The following GRIK2 variants were observed in gnomAD, a reference collection of about 807,000 sequenced individuals.
The protein encoded by GRIK2 is glutamate ionotropic receptor kainate type subunit 2.
A neutral mutation model predicts 100.3 loss-of-function variants in GRIK2; 32 were observed. That is an observed-to-expected ratio of 0.32 (90% CI 0.24 to 0.43). The LOEUF (loss-of-function observed/expected upper bound fraction) is 0.43. Among genes scored for constraint, GRIK2 ranks in the 20% least tolerant of loss-of-function variants. GRIK2 has a pLI of 1.00. For synonymous variants in GRIK2, 417 were observed against 389.4 expected, an observed-to-expected ratio of 1.07 and a Z score of -0.83; for missense variants, 843 against 1,114.9, an observed-to-expected ratio of 0.76 and a Z score of 3.47.
intron 7 of GRIK2, among the ~76,000 whole-genome samples, chr6:101,747,409 G>T (rs190704789): frequency 6.6e-6 from 1 of 152,140 alleles, no homozygotes; most frequent in East Asian, 1.9e-4. Context: ...GAAAGGCAAT[G>T]GCTTTTCTGT....
chr6:101,464,018 A>G (rs188585180), intron 2 of GRIK2, among the ~76,000 whole-genome samples: 19 of 152,262 alleles, frequency 1.2e-4, no homozygotes, highest in African/African-American at 4.6e-4. Flanking sequence ...TAAATCTCCA[A>G]AAGAAAAAAT....
chr6:101,579,028 T>C (rs1483911870), intron 2 of GRIK2, among the ~76,000 whole-genome samples: 2 of 152,114 alleles, frequency 1.3e-5, no homozygotes, highest in Non-Finnish European at 2.9e-5. Flanking sequence ...GTTAGCAAAA[T>C]ATTGTTAAAT....
Position 102,007,617 on chromosome 6 carries a change from T to C in GRIK2, c.2086-27724T>C, listed in dbSNP as rs888426900. On this transcript the variant is annotated intron_variant, in intron 14 of 16. Transcript: ENST00000369134. ...TTTGTATTAAGCTTGAAGAATTGAATTGCATTGAAACAATGCAATTGTTGA... is the reference window on the plus strand; with the variant it reads ...TTTGTATTAAGCTTGAAGAATTGAACTGCATTGAAACAATGCAATTGTTGA... Among the ~76,000 whole-genome samples, 4 of 152,098 alleles carry C rather than the reference T, an allele frequency of 2.6e-5. No individual in the cohort carries two copies. The East Asian group carries it at 5.8e-4, about 22-fold the overall frequency.
At chr6:101,838,372 A>G (rs1783273892) in intron 10 of GRIK2, among the ~76,000 whole-genome samples, 1 of 152,172 alleles carries the variant, frequency 6.6e-6, no homozygotes, top group Non-Finnish European at 1.5e-5. Flanking sequence ...TGAAAAAAGA[A>G]ATCAACCCAC....
intron 11 of GRIK2, among the ~76,000 whole-genome samples, chr6:101,876,915 C>T (rs1231673904): frequency 6.6e-6 from 1 of 151,830 alleles, no homozygotes; most frequent in East Asian, 1.9e-4. Context: ...GACTCATTCC[C>T]CTACATCTCT....
At chr6:101,622,606 G>A (rs1286478883) in intron 3 of GRIK2, among the ~76,000 whole-genome samples, 3 of 151,930 alleles carry the variant, frequency 2.0e-5, no homozygotes, top group Non-Finnish European at 4.4e-5. Flanking sequence ...ATTAGTTTAT[G>A]TATATTCCAT....
chr6:101,711,291 A>G (rs139166291), intron 7 of GRIK2, among the ~76,000 whole-genome samples: 179 of 151,966 alleles, frequency 1.2e-3, no homozygotes, highest in African/African-American at 3.9e-3. Context: ...TGTATAGTAA[A>G]TATGTTGCCA....
chr6:101,526,209 T>G (rs1775147789), intron 2 of GRIK2, among the ~76,000 whole-genome samples: 1 of 152,172 alleles, frequency 6.6e-6, no homozygotes, highest in Non-Finnish European at 1.5e-5. Context: ...ACTGTGATCA[T>G]TATTAATATT....
At chr6:101,664,015 A>G (rs527573043) in intron 4 of GRIK2, among the ~76,000 whole-genome samples, 1 of 152,304 alleles carries the variant, frequency 6.6e-6, no homozygotes, top group Non-Finnish European at 1.5e-5. Flanking sequence ...AATGGGAAAA[A>G]GGGAAGGAGT....
intron 7 of GRIK2, among the ~76,000 whole-genome samples, chr6:101,707,021 A>G (rs1043016517): frequency 6.6e-6 from 1 of 151,876 alleles, no homozygotes; most frequent in African/African-American, 2.4e-5. Flanking sequence ...GTTCACCCTA[A>G]TAGGCCATGT....
chr6:101,839,556 C>A (rs939296697), intron 10 of GRIK2, among the ~76,000 whole-genome samples: 30 of 152,090 alleles, frequency 2.0e-4, no homozygotes, highest in African/African-American at 7.2e-4. Flanking sequence ...ATTTAAAATA[C>A]ATGAACAGTA....
chr6:101,577,802 T>A (rs1052606574), intron 2 of GRIK2, among the ~76,000 whole-genome samples: 3 of 152,156 alleles, frequency 2.0e-5, no homozygotes, highest in African/African-American at 4.8e-5. Flanking sequence ...ACAATGTATA[T>A]TCATTTCCTT....
intron 2 of GRIK2, among the ~76,000 whole-genome samples, chr6:101,437,856 C>A (rs1163476853): frequency 6.6e-6 from 1 of 152,050 alleles, no homozygotes; most frequent in Non-Finnish European, 1.5e-5. Context: ...ATATACCCTT[C>A]CAAGATCACT....
intron 2 of GRIK2, among the ~76,000 whole-genome samples, chr6:101,434,016 A>G (rs1055093936): frequency 2.6e-5 from 4 of 152,238 alleles, no homozygotes; most frequent in African/African-American, 9.6e-5. Flanking sequence ...GGTGGCCCCA[A>G]ATTTTACTGT....
chr6:101,975,258 G>C (rs2128487223), intron 14 of GRIK2, among the ~76,000 whole-genome samples: 1 of 151,978 alleles, frequency 6.6e-6, no homozygotes, highest in African/African-American at 2.4e-5. Context: ...GATTAGGTTT[G>C]GTGTTGTTAA....
At chr6:101,990,659 G>A (rs963384628) in intron 14 of GRIK2, among the ~76,000 whole-genome samples, 4 of 151,510 alleles carry the variant, frequency 2.6e-5, no homozygotes, top group Admixed American at 6.6e-5. Context: ...ATTTCATTAA[G>A]GGAAGTGAAA....
intron 2 of GRIK2, among the ~76,000 whole-genome samples, chr6:101,496,852 G>A (rs897353683): frequency 3.9e-5 from 6 of 152,162 alleles, no homozygotes; most frequent in African/African-American, 7.2e-5. Context: ...AGGATTTAAA[G>A]GCTGATCAAA....
chr6:101,725,089 C>A (rs968254902), intron 7 of GRIK2, among the ~76,000 whole-genome samples: 6 of 151,996 alleles, frequency 3.9e-5, no homozygotes, highest in African/African-American at 9.7e-5. Context: ...AGTTACTTTG[C>A]CACAGTGATC....
intron 11 of GRIK2, among the ~76,000 whole-genome samples, chr6:101,863,097 T>TA (rs1223662846): frequency 6.6e-6 from 1 of 152,190 alleles, no homozygotes; most frequent in East Asian, 1.9e-4. Flanking sequence ...GTCCCATCTT[T>TA]AGTTTTTCAC....
Sources: gnomAD v4.1 joint callset for allele counts (sites outside exome capture counted in the v4.1 genomes callset) on GRCh38, gnomAD v4.1.1 for gene constraint, MANE v1.5 for transcripts, NCBI Gene and HGNC (gene_info 2026-07-23, HGNC 2026-07-21) for gene names.